The following NALF1 variants were observed in gnomAD, a reference collection of about 807,000 sequenced individuals.
NALF1 encodes the protein family with sequence similarity 155 member A.
In NALF1, 3 loss-of-function variants were observed where a neutral mutation model predicts 48.4. The ratio of observed to expected loss-of-function variants is 0.06; its 90% CI spans 0.03 to 0.16. NALF1 has a LOEUF of 0.16. Ranked by LOEUF, NALF1 falls within the 10% of genes least tolerant of loss-of-function variation. The pLI is 1.00. For synonymous variants in NALF1, 262 were observed against 245.7 expected (o/e 1.07, Z -0.62); for missense variants, 526 against 571.5 (o/e 0.92, Z 0.81).
At chr13:107,469,654 T>C (rs1350029560) in intron 1 of NALF1, among the ~76,000 whole-genome samples, 3 of 152,058 alleles carry the variant, frequency 2.0e-5, no homozygotes, top group Non-Finnish European at 4.4e-5. Flanking sequence ...AAGTTTTTTT[T>C]ATGTTTTAAT....
In NALF1 at chr13:107,166,392, C is replaced by T. The variant is rs1307391678; in HGVS notation, c.*4105G>A. On this transcript the variant is annotated 3_prime_UTR_variant, in exon 3 of 3. Transcript: ENST00000375915. Reference sequence around the variant, plus strand: ...CAGAGATCTTGCCGCTGCATTCCAGCTTGAGCAACAGAGCAAGATGCCATC... The same window carrying T: ...CAGAGATCTTGCCGCTGCATTCCAGTTTGAGCAACAGAGCAAGATGCCATC... 1 of 152,210 alleles carries T rather than the reference C, an allele frequency of 6.6e-6. No homozygotes were observed. The highest frequency in any genetic ancestry group is 1.5e-5 in the Non-Finnish European group (1 of 68,066). The allele number at this position is 152,210 out of a possible 1,614,324, so 9.4% of individuals were successfully genotyped here.
intron 1 of NALF1, among the ~76,000 whole-genome samples, chr13:107,369,043 T>C (rs1883202519): frequency 6.6e-6 from 1 of 152,160 alleles, no homozygotes; most frequent in Non-Finnish European, 1.5e-5. Context: ...AAGCTTCTGC[T>C]CATTGTGTGT....
At position 107,782,855 on chromosome 13, in the gene NALF1, G is replaced by C. The variant is rs575279451; in HGVS notation, c.915+82827C>G. 2.0e-5 allele frequency among the ~76,000 whole-genome samples: 3 copies of C among 150,988 alleles called. No individual in the cohort carries two copies. In the East Asian group the frequency reaches 6.0e-4, roughly 30 times the overall value. On this transcript the variant is annotated intron_variant, in intron 1 of 2. Transcript: ENST00000375915. Reference sequence around the variant, plus strand: ...TGAGAAGTGAGGAGACCCTCCGCCCGGCAGCCGCCCCGTCTGGGAAGTGAG... The same window carrying C: ...TGAGAAGTGAGGAGACCCTCCGCCCCGCAGCCGCCCCGTCTGGGAAGTGAG...
intron 1 of NALF1, among the ~76,000 whole-genome samples, chr13:107,681,484 T>TA (rs1881302107): frequency 7.9e-6 from 1 of 127,046 alleles, no homozygotes; most frequent in Non-Finnish European, 1.7e-5. Flanking sequence ...GGAGAAAAGT[T>TA]TAAAAAAAAA....
At chr13:107,529,436 A>G (rs567268754) in intron 1 of NALF1, among the ~76,000 whole-genome samples, 8 of 152,198 alleles carry the variant, frequency 5.3e-5, no homozygotes, top group Non-Finnish European at 1.2e-4. Context: ...CGGAGATTTA[A>G]GCAAGCAAAG....
chr13:107,601,294 C>G (rs1464149683), intron 1 of NALF1, among the ~76,000 whole-genome samples: 2 of 152,174 alleles, frequency 1.3e-5, no homozygotes, highest in Non-Finnish European at 2.9e-5. Flanking sequence ...TGTAAGAATT[C>G]CCCTAGAACA....
At chr13:107,195,389 A>C (rs557418710) in intron 2 of NALF1, among the ~76,000 whole-genome samples, 1 of 152,322 alleles carries the variant, frequency 6.6e-6, no homozygotes, top group African/African-American at 2.4e-5. Context: ...TACTCAAGGG[A>C]GCCCAGAAGC....
At chr13:107,727,603 C>T (rs1313007519) in intron 1 of NALF1, among the ~76,000 whole-genome samples, 2 of 152,158 alleles carry the variant, frequency 1.3e-5, no homozygotes, top group Non-Finnish European at 2.9e-5. Flanking sequence ...TGACGCCATT[C>T]AGGACACAGG....
intron 1 of NALF1, among the ~76,000 whole-genome samples, chr13:107,244,611 AC>A (rs1286352531): frequency 6.6e-6 from 1 of 151,924 alleles, no homozygotes; most frequent in Non-Finnish European, 1.5e-5. Context: ...TCTCTCAATT[AC>A]CCCCTCCCTT....
intron 1 of NALF1, among the ~76,000 whole-genome samples, chr13:107,580,516 C>T (rs1406171513): frequency 6.6e-6 from 1 of 152,112 alleles, no homozygotes; most frequent in East Asian, 1.9e-4. Flanking sequence ...CTTCCCACCC[C>T]ACATGCATGA....
intron 1 of NALF1, among the ~76,000 whole-genome samples, chr13:107,780,103 T>C (rs1314808677): frequency 6.6e-6 from 1 of 152,066 alleles, no homozygotes; most frequent in African/African-American, 2.4e-5. Context: ...GTGTTGTTGT[T>C]ATTGCAGAAA....
chr13:107,543,979 A>AT (rs1877067295), intron 1 of NALF1, among the ~76,000 whole-genome samples: 1 of 152,034 alleles, frequency 6.6e-6, no homozygotes. Context: ...TATATAACCA[A>AT]TTTTTTAAAA....
intron 1 of NALF1, among the ~76,000 whole-genome samples, chr13:107,820,981 A>G (rs1295196596): frequency 4.6e-5 from 7 of 152,210 alleles, no homozygotes; most frequent in Non-Finnish European, 1.0e-4. Context: ...TCCCTCCCTT[A>G]GAATTTTATC....
chr13:107,581,327 G>C (rs1463116240), intron 1 of NALF1, among the ~76,000 whole-genome samples: 2 of 152,106 alleles, frequency 1.3e-5, no homozygotes, highest in Admixed American at 1.3e-4. Flanking sequence ...AATCAACAAA[G>C]GAAAGCTCTG....
At chr13:107,844,423 A>T (rs1458992038) in intron 1 of NALF1, among the ~76,000 whole-genome samples, 1 of 152,208 alleles carries the variant, frequency 6.6e-6, no homozygotes, top group Non-Finnish European at 1.5e-5. Flanking sequence ...TTCTTAAGAT[A>T]TACTTCAATG....
At chr13:107,843,872 G>A (rs1880104701) in intron 1 of NALF1, among the ~76,000 whole-genome samples, 1 of 152,146 alleles carries the variant, frequency 6.6e-6, no homozygotes, top group African/African-American at 2.4e-5. Flanking sequence ...CGAAATGTTA[G>A]CTAATGATAA....
rs866918262 is a variant in NALF1 at position 107,219,246 on chromosome 13, C to A, written c.916-8491G>T. Among the ~76,000 whole-genome samples, 25 of 152,280 alleles carry A rather than the reference C, an allele frequency of 1.6e-4. 1 individual carries two copies. In the Middle Eastern group the frequency reaches 0.014, roughly 83 times the overall value. On this transcript the variant is annotated intron_variant, in intron 1 of 2. Coordinates refer to ENST00000375915, the MANE Select transcript of NALF1 (RefSeq NM_001080396.3). ...CTTTTGTGGACTCTCAGCCAACAAG[C>A]AATGCCTTAGAAGTGCAGAGTATTA...
intron 1 of NALF1, among the ~76,000 whole-genome samples, chr13:107,632,629 A>T (rs1879863943): frequency 6.6e-6 from 1 of 151,896 alleles, no homozygotes; most frequent in African/African-American, 2.4e-5. Context: ...ACTTGCTCCT[A>T]CTCCCTCAAC....
At chr13:107,443,177 T>TCA (rs1884592704) in intron 1 of NALF1, among the ~76,000 whole-genome samples, 1 of 123,328 alleles carries the variant, frequency 8.1e-6, no homozygotes, top group Non-Finnish European at 1.7e-5. Context: ...ACAATCTATC[T>TCA]ATCTATCTAT....
Sources: allele counts gnomAD v4.1 joint callset (sites outside exome capture counted in the v4.1 genomes callset), GRCh38; gene constraint gnomAD v4.1.1; transcripts MANE v1.5; gene names NCBI Gene and HGNC (gene_info 2026-07-23, HGNC 2026-07-21).